The following STXBP5L variants were observed in gnomAD, a reference collection of about 807,000 sequenced individuals.
STXBP5L encodes syntaxin-binding protein 5-like.
A neutral mutation model predicts 144.5 loss-of-function variants in STXBP5L; 65 were observed. The ratio of observed to expected loss-of-function variants is 0.45; its 90% CI spans 0.37 to 0.55. STXBP5L has a LOEUF of 0.55. Among genes scored for constraint, STXBP5L ranks in the 20% least tolerant of loss-of-function variants. The pLI is 0.00. For synonymous variants in STXBP5L, 505 were observed against 469.6 expected, an observed-to-expected ratio of 1.08 and a Z score of -0.97; for missense variants, 1,298 against 1,405.5, an observed-to-expected ratio of 0.92 and a Z score of 1.22.
intron 18 of STXBP5L, among the ~76,000 whole-genome samples, chr3:121,277,229 G>A (rs544700886): frequency 6.6e-6 from 1 of 152,096 alleles, no homozygotes; most frequent in South Asian, 2.1e-4. Flanking sequence ...CATAATGGAA[G>A]GGGTGAGGCA....
rs561275830 is a variant in STXBP5L, at chr3:121,061,727, C to T, written c.470+16192C>T. ...GATCCCTTTACTATTATGTAATGCCCTTCTTTGTCTCTGTTGATCTTTGTT... is the reference window on the plus strand; with the variant it reads ...GATCCCTTTACTATTATGTAATGCCTTTCTTTGTCTCTGTTGATCTTTGTT... On this transcript the variant is annotated intron_variant, in intron 5 of 26. Transcript: ENST00000471454. Among the ~76,000 whole-genome samples the T allele has an allele frequency of 5.9e-5, 9 of 152,236 alleles. 1 individual carries two copies. The South Asian group carries it at 1.9e-3, about 32-fold the overall frequency.
chr3:121,269,117 T>C (rs548519544), intron 18 of STXBP5L, among the ~76,000 whole-genome samples: 7 of 152,190 alleles, frequency 4.6e-5, no homozygotes, highest in African/African-American at 1.4e-4. Context: ...TTTCAGTATC[T>C]GGACATTAGA....
At chr3:121,129,014 A>G (rs1420533508) in intron 7 of STXBP5L, among the ~76,000 whole-genome samples, 1 of 152,092 alleles carries the variant, frequency 6.6e-6, no homozygotes, top group Non-Finnish European at 1.5e-5. Flanking sequence ...GGGTCAGAGC[A>G]GACATTAATA....
intron 5 of STXBP5L, among the ~76,000 whole-genome samples, chr3:121,087,222 T>C (rs1342887359): frequency 1.3e-5 from 2 of 152,106 alleles, no homozygotes; most frequent in African/African-American, 4.8e-5. Context: ...TTTTCTTGCA[T>C]TCTATATCCT....
chr3:121,394,462 G>T (rs2046674984), intron 22 of STXBP5L, among the ~76,000 whole-genome samples: 1 of 151,738 alleles, frequency 6.6e-6, no homozygotes, highest in South Asian at 2.1e-4. Flanking sequence ...AGTGGTGAAA[G>T]TATACATCCT....
chr3:121,205,135 A>C (rs1298955947), intron 9 of STXBP5L, among the ~76,000 whole-genome samples: 2 of 152,216 alleles, frequency 1.3e-5, no homozygotes, highest in East Asian at 1.9e-4. Context: ...TATTGATCCT[A>C]GTATGGATTG....
At chr3:120,912,610 G>T (rs1708901961) in intron 2 of STXBP5L, among the ~76,000 whole-genome samples, 2 of 148,916 alleles carry the variant, frequency 1.3e-5, no homozygotes. Context: ...AGAAACTTTG[G>T]TTCAAGGTCA....
rs141731140 is a variant in STXBP5L, at chr3:121,277,252, C to T, written c.1959-2553C>T. 9.2e-5 allele frequency among the ~76,000 whole-genome samples: 14 copies of T among 152,052 alleles called. No homozygotes were observed. The East Asian group carries it at 2.7e-3, about 29-fold the overall frequency. On this transcript the variant is annotated intron_variant, in intron 18 of 26. Transcript: ENST00000471454. ...AAGGGGTGAGGCAGCTCTCTAGGGCCTCTTTTATAAGGGCTCTAATTTTAT... is the reference window on the plus strand; with the variant it reads ...AAGGGGTGAGGCAGCTCTCTAGGGCTTCTTTTATAAGGGCTCTAATTTTAT...
At chr3:121,415,114 T>C (rs535030575) in intron 24 of STXBP5L, among the ~76,000 whole-genome samples, 1 of 152,220 alleles carries the variant, frequency 6.6e-6, no homozygotes, top group Admixed American at 6.5e-5. Context: ...AGGAAACCAA[T>C]ATTAGGTCAC....
intron 5 of STXBP5L, among the ~76,000 whole-genome samples, chr3:121,083,083 C>T (rs1478586877): frequency 1.3e-5 from 2 of 151,956 alleles, no homozygotes; most frequent in Non-Finnish European, 2.9e-5. Context: ...TCTGTAGTCC[C>T]AGCTACTCAG....
At chr3:121,045,690 G>A (rs2107566665) in intron 5 of STXBP5L, among the ~76,000 whole-genome samples, 155 bp downstream of exon 5, 1 of 152,080 alleles carries the variant, frequency 6.6e-6, no homozygotes, top group South Asian at 2.1e-4. Context: ...CTTTTTTGTA[G>A]AAAATGCGTA....
chr3:121,406,041 C>G (rs1453739161), intron 22 of STXBP5L, among the ~76,000 whole-genome samples: 3 of 152,038 alleles, frequency 2.0e-5, no homozygotes, highest in Non-Finnish European at 4.4e-5. Context: ...TACTGAACAG[C>G]AGGATCAATC....
chr3:121,271,961 C>G (rs1026726785), intron 18 of STXBP5L, among the ~76,000 whole-genome samples: 18 of 152,258 alleles, frequency 1.2e-4, no homozygotes, highest in African/African-American at 4.3e-4. Context: ...AATTTTCTTC[C>G]TGTGATTGAT....
chr3:121,013,448 A>G (rs563248197), intron 3 of STXBP5L, among the ~76,000 whole-genome samples: 271 of 152,078 alleles, frequency 1.8e-3, no homozygotes, highest in African/African-American at 6.4e-3. Flanking sequence ...ATGATTAGTG[A>G]TGTTGAGCAT....
At chr3:121,002,058 C>CT (rs1559981040) in intron 3 of STXBP5L, among the ~76,000 whole-genome samples, 2 of 152,032 alleles carry the variant, frequency 1.3e-5, no homozygotes, top group Non-Finnish European at 2.9e-5. Context: ...ATTTTATTTC[C>CT]TTTTTCATAT....
intron 2 of STXBP5L, among the ~76,000 whole-genome samples, chr3:120,910,479 T>C (rs545780915): frequency 1.4e-4 from 21 of 152,346 alleles, no homozygotes; most frequent in Non-Finnish European, 2.6e-4. Context: ...TTGCTATATT[T>C]GTTATATTTT....
At position 121,207,126 on chromosome 3, in the gene STXBP5L, T is replaced by G. The variant is rs575206132; in HGVS notation, c.956+1125T>G. On this transcript the variant is annotated intron_variant, in intron 10 of 26. Transcript: ENST00000471454. ...AGATATCTCTTTAGCCTACTATGCA[T>G]TCACTGATAAAAATGAACACTGTTT... Among the ~76,000 whole-genome samples the G allele has an allele frequency of 2.6e-5, 4 of 152,262 alleles. No homozygotes were observed. In the East Asian group the frequency reaches 7.7e-4, roughly 29 times the overall value.
intron 2 of STXBP5L, among the ~76,000 whole-genome samples, chr3:120,920,503 A>G (rs898325833): frequency 7.2e-5 from 11 of 151,980 alleles, no homozygotes; most frequent in African/African-American, 2.4e-4. Flanking sequence ...TGCTAAAAAC[A>G]TTAGAATTAT....
intron 25 of STXBP5L, among the ~76,000 whole-genome samples, chr3:121,416,324 C>T (rs1459849463): frequency 6.6e-6 from 1 of 151,308 alleles, no homozygotes; most frequent in Non-Finnish European, 1.5e-5. Context: ...ATCTGCTTGA[C>T]TTTAATCACT....
Sources: allele counts gnomAD v4.1 joint callset (sites outside exome capture counted in the v4.1 genomes callset), GRCh38; gene constraint gnomAD v4.1.1; transcripts MANE v1.5; gene names NCBI Gene and HGNC (gene_info 2026-07-23, HGNC 2026-07-21).